ST8SIA4: variants seen among roughly 807,000 people sequenced by gnomAD.
The protein encoded by ST8SIA4 is CMP-N-acetylneuraminate-poly-alpha-2,8-sialyltransferase.
A neutral mutation model predicts 33.9 loss-of-function variants in ST8SIA4; 15 were observed. That is an observed-to-expected ratio of 0.44 (90% CI 0.30 to 0.68). The LOEUF (loss-of-function observed/expected upper bound fraction) is 0.68, where lower values mean the gene tolerates loss of function less well. Ranked by LOEUF, ST8SIA4 falls within the 30% of genes least tolerant of loss-of-function variation. The pLI, the probability that ST8SIA4 is intolerant of heterozygous loss-of-function variation, is 0.10. For missense variants in ST8SIA4, 321 were observed against 428.0 expected (o/e 0.75, Z 2.21); for synonymous variants, 171 against 151.2 (o/e 1.13, Z -0.96).
At chr5:100,828,833 T>G (rs1751195112) in intron 4 of ST8SIA4, among the ~76,000 whole-genome samples, 1 of 152,206 alleles carries the variant, frequency 6.6e-6, no homozygotes, top group African/African-American at 2.4e-5. Context: ...GTTCCGTTTT[T>G]TTTCAAAGGC....
chr5:100,895,885 A>G lies in ST8SIA4; in HGVS notation c.114-100T>C, dbSNP rs372771227. 5.0e-5 allele frequency: 66 copies of G among 1,307,182 alleles called. No homozygotes were observed. In the East Asian group the frequency reaches 9.5e-4, roughly 19 times the overall value. The allele number at this position is 1,307,182 out of a possible 1,614,324, so 81.0% of individuals were successfully genotyped here. On this transcript the variant is annotated intron_variant, in intron 1 of 4. Coordinates refer to ENST00000231461, the MANE Select transcript of ST8SIA4 (RefSeq NM_005668.6). ...ATTAATTACTGGTGATGAATTTTAG[A>G]TACTTTTTCCCCTACAAGTTAGAAG... is the stretch of plus-strand genomic sequence containing the variant.
At chr5:100,868,674 ACTAC>A (rs1466235498) in intron 3 of ST8SIA4, among the ~76,000 whole-genome samples, 1 of 151,996 alleles carries the variant, frequency 6.6e-6, no homozygotes, top group Non-Finnish European at 1.5e-5. Context: ...ATATTATCAG[ACTAC>A]CTATGTCTTT....
intron 2 of ST8SIA4, among the ~76,000 whole-genome samples, chr5:100,893,087 G>A (rs905429513): frequency 1.3e-5 from 2 of 152,044 alleles, no homozygotes; most frequent in African/African-American, 4.8e-5. Context: ...CCCAATCACT[G>A]ACCCAAAGTG....
At chr5:100,880,243 T>C (rs972915471) in intron 3 of ST8SIA4, among the ~76,000 whole-genome samples, 30 of 152,174 alleles carry the variant, frequency 2.0e-4, no homozygotes, top group Non-Finnish European at 4.1e-4. Flanking sequence ...CAGGCAAAGC[T>C]TGCCTTGCAT....
At chr5:100,831,090 A>G (rs920572727) in intron 4 of ST8SIA4, among the ~76,000 whole-genome samples, 6 of 152,230 alleles carry the variant, frequency 3.9e-5, no homozygotes, top group Non-Finnish European at 1.5e-5. Context: ...TGAAATAGCT[A>G]GCTTGCCAGA....
chr5:100,866,042 A>C (rs192297560), intron 3 of ST8SIA4, among the ~76,000 whole-genome samples: 1 of 152,288 alleles, frequency 6.6e-6, no homozygotes, highest in East Asian at 1.9e-4. Context: ...TTGAGGACAC[A>C]TGGGCCTGGC....
At chr5:100,846,077 C>G (rs994400263) in intron 4 of ST8SIA4, among the ~76,000 whole-genome samples, 2 of 151,984 alleles carry the variant, frequency 1.3e-5, no homozygotes, top group Non-Finnish European at 2.9e-5. Context: ...CAAGTTGATA[C>G]ATAGTTTGAT....
chr5:100,900,848 C>G (rs1051999233), intron 1 of ST8SIA4, among the ~76,000 whole-genome samples: 1 of 152,206 alleles, frequency 6.6e-6, no homozygotes, highest in Non-Finnish European at 1.5e-5. Flanking sequence ...TATCTTCTCA[C>G]TCATTCTTTC....
intron 4 of ST8SIA4, among the ~76,000 whole-genome samples, chr5:100,826,136 T>TTA (rs964116158): frequency 2.0e-5 from 3 of 151,440 alleles, no homozygotes; most frequent in Non-Finnish European, 4.4e-5. Flanking sequence ...TTAATTTTTT[T>TTA]TTATTATTAT....
At chr5:100,893,580 T>C (rs984442737) in intron 2 of ST8SIA4, among the ~76,000 whole-genome samples, 17 of 152,126 alleles carry the variant, frequency 1.1e-4, no homozygotes, top group Admixed American at 5.2e-4. Flanking sequence ...TCAAGTTAGG[T>C]TTACTACCCT....
chr5:100,876,944 T>G (rs1174545440), intron 3 of ST8SIA4, among the ~76,000 whole-genome samples: 2 of 152,060 alleles, frequency 1.3e-5, no homozygotes, highest in Non-Finnish European at 2.9e-5. Context: ...AAAAGCATTA[T>G]TTAACGTAAT....
chr5:100,821,663 G>A (rs1580449093), intron 4 of ST8SIA4, among the ~76,000 whole-genome samples: 1 of 144,852 alleles, frequency 6.9e-6, no homozygotes, highest in South Asian at 2.3e-4. Flanking sequence ...TAACATTCTT[G>A]CTATCAAAGT....
intron 4 of ST8SIA4, among the ~76,000 whole-genome samples, chr5:100,847,771 A>C (rs1383629719): frequency 2.6e-5 from 4 of 152,076 alleles, no homozygotes; most frequent in Non-Finnish European, 5.9e-5. Context: ...TATCCGTAAG[A>C]CGTAATTTTT....
At chr5:100,872,964 G>A (rs1752229821) in intron 3 of ST8SIA4, among the ~76,000 whole-genome samples, 1 of 151,386 alleles carries the variant, frequency 6.6e-6, no homozygotes, top group African/African-American at 2.4e-5. Context: ...AAGCCTTAAT[G>A]CACATAAGAA....
chr5:100,827,182 C>T (rs1751165960), intron 4 of ST8SIA4, among the ~76,000 whole-genome samples: 1 of 152,136 alleles, frequency 6.6e-6, no homozygotes, highest in Non-Finnish European at 1.5e-5. Flanking sequence ...TAGCACTATA[C>T]ATTTGTCAGA....
At chr5:100,874,647 C>T (rs533482203) in intron 3 of ST8SIA4, among the ~76,000 whole-genome samples, 11 of 151,910 alleles carry the variant, frequency 7.2e-5, no homozygotes, top group Non-Finnish European at 1.5e-4. Context: ...TCTAGTGATA[C>T]CATCATGGCT....
chr5:100,884,652 C>T (rs1040985375), intron 3 of ST8SIA4, among the ~76,000 whole-genome samples: 1 of 152,064 alleles, frequency 6.6e-6, no homozygotes, highest in African/African-American at 2.4e-5. Flanking sequence ...TTATTGGACA[C>T]ACAATTCCAT....
intron 4 of ST8SIA4, among the ~76,000 whole-genome samples, chr5:100,837,639 T>TC (rs1395696259): frequency 6.6e-6 from 1 of 151,996 alleles, no homozygotes; most frequent in Non-Finnish European, 1.5e-5. Flanking sequence ...TGTCATCTCC[T>TC]CATTAGTTTG....
rs1750732722 is a variant in ST8SIA4 at position 100,808,157 on chromosome 5, G to T, written c.*3690C>A. The T allele has an allele frequency of 1.3e-5, 2 of 152,472 alleles. No individual in the cohort carries two copies. The highest frequency in any genetic ancestry group is 6.5e-5 in the Admixed American group (1 of 15,274). 9.4% of individuals were successfully genotyped at this position (152,472 alleles called of 1,614,324 possible). A position where few individuals can be genotyped will look rare whatever the true frequency, so the allele number is the denominator to read the frequency against. ...GCATTATGTCTAACTGGCTCAATTAGAAATAAATTAATTTGTTCATCCTTT... is the reference window on the plus strand; with the variant it reads ...GCATTATGTCTAACTGGCTCAATTATAAATAAATTAATTTGTTCATCCTTT... On this transcript the variant is annotated 3_prime_UTR_variant, in exon 5 of 5. Transcript: ENST00000231461.
Sources: allele counts gnomAD v4.1 joint callset (sites outside exome capture counted in the v4.1 genomes callset), GRCh38; gene constraint gnomAD v4.1.1; transcripts MANE v1.5; gene names NCBI Gene and HGNC (gene_info 2026-07-23, HGNC 2026-07-21).